SP100: variants seen among roughly 807,000 people sequenced by gnomAD.
SP100 encodes the protein nuclear autoantigen Sp-100.
SP100 carries 84 observed loss-of-function variants against 130.0 expected under a neutral mutation model. The observed-to-expected ratio is 0.65, with a 90% CI of 0.54 to 0.77. The LOEUF (loss-of-function observed/expected upper bound fraction) is 0.77. Ranked by LOEUF, SP100 falls within the 30% of genes least tolerant of loss-of-function variation. SP100 has a pLI of 0.00. For synonymous variants in SP100, 331 were observed against 351.7 expected (o/e 0.94, Z 0.66); for missense variants, 978 against 1,052.2 (o/e 0.93, Z 0.97).
intron 16 of SP100, 32 bp from the exon 17 acceptor site, chr2:230,474,362 C>T: frequency 1.6e-6 from 2 of 1,226,610 alleles, no homozygotes; most frequent in South Asian, 1.3e-5. Context: ...TTATAAATTA[C>T]AGTTCTCTGA....
At chr2:230,423,403 A>C (rs1050528189) in intron 2 of SP100, among the ~76,000 whole-genome samples, 1 of 151,834 alleles carries the variant, frequency 6.6e-6, no homozygotes, top group Admixed American at 6.6e-5. Context: ...TTTCTTGATC[A>C]ATCTTTCCAT....
intron 24 of SP100, among the ~76,000 whole-genome samples, chr2:230,525,343 G>T (rs1206173744): frequency 6.6e-6 from 1 of 152,098 alleles, no homozygotes; most frequent in Non-Finnish European, 1.5e-5. Context: ...ACAGAAAATT[G>T]GAGAAACTTG....
At chr2:230,470,160 T>G in intron 15 of SP100, 62 bp downstream of exon 15, 1 of 1,551,764 alleles carries the variant, frequency 6.4e-7, no homozygotes, top group Non-Finnish European at 8.7e-7. Flanking sequence ...AATTAAAAGC[T>G]GCTGTTTCCA....
intron 16 of SP100, among the ~76,000 whole-genome samples, chr2:230,473,922 G>A (rs2065403205): frequency 6.6e-6 from 1 of 151,224 alleles, no homozygotes; most frequent in Non-Finnish European, 1.5e-5. Flanking sequence ...CCACTCACAG[G>A]TAATAGTGTC....
chr2:230,518,981 A>C (rs1691047415), intron 24 of SP100, among the ~76,000 whole-genome samples: 1 of 152,186 alleles, frequency 6.6e-6, no homozygotes, highest in Non-Finnish European at 1.5e-5. Context: ...TTTGATTTTA[A>C]AATTTTGGTC....
At chr2:230,515,626 G>T in intron 24 of SP100, 2 of 1,602,092 alleles carry the variant, frequency 1.2e-6, no homozygotes, top group Non-Finnish European at 1.7e-6. Context: ...AAATGAAGAA[G>T]ATGATGATAA....
chr2:230,449,836 C>T (rs748067467), intron 7 of SP100, 126 bp downstream of exon 7: 2 of 956,450 alleles, frequency 2.1e-6, no homozygotes, highest in Non-Finnish European at 1.6e-6. Flanking sequence ...CACATAGACA[C>T]AGAGGGGGCC....
chr2:230,506,377 C>T lies in SP100; in HGVS notation c.1945C>T (p.Arg649Cys), dbSNP rs200030538. Residue 649 changes from arginine to cysteine, a missense_variant, in exon 22 of 29, where the codon CGC becomes TGC. Coordinates refer to ENST00000340126, the MANE Select transcript of SP100 (RefSeq NM_001080391.2). ...TPREFEIEGD[R>C]GASKNWKLSI... ...CAGGGAATTTGAAATTGAAGGAGAC[C>T]GCGGAGCATCCAAGAACTGGAAGCT... 9.9e-6 allele frequency: 16 copies of T among 1,613,778 alleles called. No homozygotes were observed. Among genetic ancestry groups the T allele is most frequent in the East Asian group, 2.2e-5 (1 of 44,868 alleles).
At chr2:230,520,194 C>T (rs975406917) in intron 24 of SP100, among the ~76,000 whole-genome samples, 7 of 152,252 alleles carry the variant, frequency 4.6e-5, no homozygotes, top group South Asian at 4.1e-4. Flanking sequence ...GAAAAGTTAA[C>T]AGTGTGGGGA....
chr2:230,488,616 T>C (rs2150033499), intron 17 of SP100, among the ~76,000 whole-genome samples: 1 of 152,288 alleles, frequency 6.6e-6, no homozygotes, highest in South Asian at 2.1e-4. Context: ...GGTTTCACTG[T>C]GTTAGCCAGG....
chr2:230,494,351 A>G (rs747148615), intron 17 of SP100, 65 bp from the exon 18 acceptor site: 31 of 1,216,074 alleles, frequency 2.5e-5, no homozygotes, highest in Non-Finnish European at 3.5e-5. Context: ...AACTATTGAC[A>G]TATAAAGTGT....
intron 17 of SP100, among the ~76,000 whole-genome samples, chr2:230,475,928 T>G (rs967010450): frequency 5.3e-5 from 8 of 152,216 alleles, no homozygotes; most frequent in African/African-American, 1.9e-4. Context: ...CATGCCATTT[T>G]GATTACTGTA....
At chr2:230,536,086 A>G (rs545211516) in intron 24 of SP100, among the ~76,000 whole-genome samples, 2 of 152,244 alleles carry the variant, frequency 1.3e-5, no homozygotes, top group South Asian at 2.1e-4. Context: ...GTGTGGGCAA[A>G]TAAGCCAAGT....
At chr2:230,542,789 C>T (rs1403208065) in intron 28 of SP100, 47 bp from the exon 29 acceptor site, 2 of 1,127,094 alleles carry the variant, frequency 1.8e-6, no homozygotes. Flanking sequence ...CTGGGTGTCT[C>T]AGCTCATTGC....
intron 19 of SP100, among the ~76,000 whole-genome samples, chr2:230,499,467 A>ACTCT (rs5839370): frequency 7.8e-4 from 23 of 29,540 alleles, no homozygotes; most frequent in East Asian, 1.7e-3. Flanking sequence ...CTTCATATAG[A>ACTCT]CTCTCTCTCT....
At chr2:230,484,584 T>C (rs1191393780) in intron 17 of SP100, among the ~76,000 whole-genome samples, 1 of 152,198 alleles carries the variant, frequency 6.6e-6, no homozygotes, top group Admixed American at 6.5e-5. Flanking sequence ...ATTTATTTCC[T>C]GCATGTGGGT....
At chr2:230,450,108 C>A in intron 7 of SP100, 64 bp from the exon 8 acceptor site, 2 of 1,203,984 alleles carry the variant, frequency 1.7e-6, no homozygotes, top group Non-Finnish European at 2.4e-6. Flanking sequence ...TGAGGTCTAA[C>A]CAAATGGAAA....
rs1178354629 is a variant in SP100, at chr2:230,443,573, C to A, written c.270+474C>A. Among the ~76,000 whole-genome samples the A allele has an allele frequency of 3.3e-5, 5 of 152,340 alleles. No homozygotes were observed. In the East Asian group the frequency reaches 5.8e-4, roughly 18 times the overall value. On this transcript the variant is annotated intron_variant, in intron 3 of 28. Transcript: ENST00000340126. Reference sequence around the variant, plus strand: ...ACAGGGAATTGATGTCTAGAGAGGACAAATTTGGAGGTAGATGCTTGTTAT... The same window carrying A: ...ACAGGGAATTGATGTCTAGAGAGGAAAAATTTGGAGGTAGATGCTTGTTAT...
chr2:230,440,062 C>T lies in SP100; in HGVS notation c.108-2875C>T, dbSNP rs118096628. ...ATATGTATAAAGGTATAGCAAACAT[C>T]ACACTTAATGGTGCTGCTAAGTGCT... On this transcript the variant is annotated intron_variant, in intron 2 of 28. Transcript: ENST00000340126. 2.2e-4 allele frequency among the ~76,000 whole-genome samples: 34 copies of T among 152,174 alleles called. 1 individual carries two copies. The East Asian group carries it at 5.0e-3, about 22-fold the overall frequency.
Sources: allele counts gnomAD v4.1 joint callset (sites outside exome capture counted in the v4.1 genomes callset), GRCh38; gene constraint gnomAD v4.1.1; transcripts MANE v1.5; gene names NCBI Gene and HGNC (gene_info 2026-07-23, HGNC 2026-07-21).